ARHGAP9: variants seen among roughly 807,000 people sequenced by gnomAD.
The protein encoded by ARHGAP9 is Rho GTPase activating protein 9.
ARHGAP9 carries 76 observed loss-of-function variants against 87.3 expected under a neutral mutation model. That is an observed-to-expected ratio of 0.87 (90% CI 0.72 to 1.05). ARHGAP9 has a LOEUF of 1.05. Among genes scored for constraint, ARHGAP9 ranks in the 50% least tolerant of loss-of-function variants. The pLI is 0.00. For synonymous variants in ARHGAP9, 382 were observed against 394.9 expected (o/e 0.97, Z 0.39); for missense variants, 941 against 960.5 (o/e 0.98, Z 0.27).
exon 1 of ARHGAP9, chr12:57,488,708 C>A: frequency 6.7e-7 from 1 of 1,483,168 alleles, no homozygotes; most frequent in Non-Finnish European, 9.2e-7. Context: ...CTGTGACCTT[C>A]AGATAATTAT....
Position 57,472,478 on chromosome 12 carries a change from G to T in ARHGAP9, c.*39C>A. On this transcript the variant is annotated 3_prime_UTR_variant, in exon 18 of 18. Transcript: ENST00000393791. ...AGAACACCAGCCTCTCACCACCAGA[G>T]ATGACCGGAAATATGTTTTCTCTTC... 6.2e-7 allele frequency: 1 copy of T among 1,603,870 alleles called. No individual in the cohort carries two copies. Among genetic ancestry groups the T allele is most frequent in the Non-Finnish European group, 8.5e-7 (1 of 1,174,242 alleles).
intron 12 of ARHGAP9, 127 bp from the exon 13 acceptor site, chr12:57,475,100 A>G (rs977623835): frequency 8.7e-7 from 1 of 1,149,218 alleles, no homozygotes; most frequent in Non-Finnish European, 1.2e-6. Flanking sequence ...GGGCAAGGAA[A>G]TACACTCCAC....
rs530827072 is a variant in ARHGAP9 at position 57,475,064 on chromosome 12, T to G, written c.1553-91A>C. The G allele has an allele frequency of 7.4e-6, 10 of 1,358,956 alleles. No individual in the cohort carries two copies. The African/African-American group carries it at 1.2e-4, about 16-fold the overall frequency. The allele number at this position is 1,358,956 out of a possible 1,614,324, so 84.2% of individuals were successfully genotyped here. ...GGTCTTTATCCTTAAGTGAGGCTGG[T>G]CCTCCTGGCTGCCTGTGCCAGGCCT... On this transcript the variant is annotated intron_variant, in intron 12 of 17. Transcript: ENST00000393791.
intron 15 of ARHGAP9, 36 bp from the exon 16 acceptor site, chr12:57,474,212 G>A (rs1254741479): frequency 5.0e-6 from 8 of 1,598,482 alleles, no homozygotes; most frequent in Non-Finnish European, 6.0e-6. Flanking sequence ...CTCATGAAGG[G>A]CCAGAAAGAT....
intron 1 of ARHGAP9, among the ~76,000 whole-genome samples, chr12:57,485,556 G>GA (rs71084757): frequency 0.8 from 105,620 of 132,428 alleles, 42,622 homozygotes; most frequent in Non-Finnish European, 0.86. Context: ...GACTCCATCT[G>GA]AAAAAAAAAA....
chr12:57,488,296 C>T, intron 1 of ARHGAP9: 1 of 1,138,406 alleles, frequency 8.8e-7, no homozygotes, highest in South Asian at 1.4e-5. Flanking sequence ...TAGCCCTCGC[C>T]ACACACCCCA....
intron 15 of ARHGAP9, 60 bp downstream of exon 15, chr12:57,474,363 C>A (rs199509913): frequency 6.2e-7 from 1 of 1,604,996 alleles, no homozygotes; most frequent in Admixed American, 1.7e-5. Context: ...GGGGTTTCCA[C>A]GGGAAGCAAA....
At chr12:57,478,154 G>T in intron 3 of ARHGAP9, 1 of 316,644 alleles carries the variant, frequency 3.2e-6, no homozygotes, top group Non-Finnish European at 5.8e-6. Flanking sequence ...GCAGAACACA[G>T]AAAAACCCTG....
rs750080185 is a variant in ARHGAP9 at position 57,475,729 on chromosome 12, C to G, written c.1311+104G>C. 11 of 1,492,170 alleles carry G rather than the reference C, an allele frequency of 7.4e-6. No individual in the cohort carries two copies. The South Asian group carries it at 1.3e-4, about 18-fold the overall frequency. The allele number at this position is 1,492,170 out of a possible 1,614,324, so 92.4% of individuals were successfully genotyped here. A position where few individuals can be genotyped will look rare whatever the true frequency, so the allele number is the denominator to read the frequency against. On this transcript the variant is annotated intron_variant, in intron 10 of 17. Coordinates refer to ENST00000393791, the MANE Select transcript of ARHGAP9 (RefSeq NM_032496.4). ...TCCCGGCCCAGGCAAGGGCTCTCCA[C>G]TGAGCCCACCCTGCCCCCAACTGCT...
rs776835486 is a variant in ARHGAP9, at chr12:57,475,495, G to A, written c.1432C>T (p.Arg478Cys). The change falls in exon 11 of 18, where the codon CGC (arginine) becomes TGC (cysteine). Residue 478 changes from arginine to cysteine, a missense_variant. Coordinates refer to ENST00000393791, the MANE Select transcript of ARHGAP9 (RefSeq NM_032496.4). ...VSKPLLRLSS[R>C]RSSIRGPEGT... The stretch of plus-strand genomic sequence containing the variant: ...GCCCGCGCCTCACTGGAGCTCCGGC[G>A]GCTGCTGAGGCGCAGCAGCGGCTTG... 8 of 1,603,110 alleles carry A rather than the reference G, an allele frequency of 5.0e-6. No homozygotes were observed. Among genetic ancestry groups the A allele is most frequent in the Admixed American group, 3.4e-5 (2 of 58,868 alleles).
rs781103708 is a variant in ARHGAP9, at chr12:57,474,073, T to A, written c.1887A>T (p.Pro629=). Residue 629 remains proline, a synonymous_variant, in exon 16 of 18, where the codon CCA becomes CCT. Transcript: ENST00000393791. ...LRELPQPLVP[P]LLLPHFRAAL... ...CAGCACGGAAATGGGGCAGCAGCAGTGGTGGCACCAGAGGCTGGGGCAGCT... is the reference window on the plus strand; with the variant it reads ...CAGCACGGAAATGGGGCAGCAGCAGAGGTGGCACCAGAGGCTGGGGCAGCT... 15 of 1,614,066 alleles carry A rather than the reference T, an allele frequency of 9.3e-6. No individual in the cohort carries two copies. The highest frequency in any genetic ancestry group is 1.2e-5 in the Non-Finnish European group (14 of 1,179,982).
chr12:57,481,072 C>G (rs367877833), upstream of ARHGAP9, among the ~76,000 whole-genome samples: 8 of 152,306 alleles, frequency 5.3e-5, no homozygotes, highest in East Asian at 7.7e-4. Context: ...ATTTGGTGTT[C>G]AGTGCTTGAA....
chr12:57,474,961 C>A lies in ARHGAP9; in HGVS notation c.1565G>T (p.Gly522Val). The change falls in exon 13 of 18, where the codon GGC becomes GTC. Residue 522 changes from glycine to valine, a missense_variant. Transcript: ENST00000393791. ...CTGGCAGAGTGATTCCAACTGGCAG[C>A]CGAACACCTGGTCTGGGGAAGTAGA... ...ERGLLRDQVF[G>V]CQLESLCQRE... 1 of 1,613,890 alleles carries A rather than the reference C, an allele frequency of 6.2e-7. No homozygotes were observed. Among genetic ancestry groups the A allele is most frequent in the Non-Finnish European group, 8.5e-7 (1 of 1,180,026 alleles).
chr12:57,488,747 A>G, exon 1 of ARHGAP9: 1 of 1,276,520 alleles, frequency 7.8e-7, no homozygotes, highest in Non-Finnish European at 1.1e-6. Context: ...TTCAGTCGTT[A>G]AGTTCTTGGC....
At position 57,479,437 on chromosome 12, in the gene ARHGAP9, G is replaced by A. The variant is rs1874755181; in HGVS notation, c.-18-13C>T. ...CCAGCACTGTCACCTGTGAGAAAAA[G>A]GGACACTGGAGACCCAGAAGGGAAT... On this transcript the variant is annotated splice_polypyrimidine_tract_variant and intron_variant, in intron 1 of 17. Coordinates refer to ENST00000393791, the MANE Select transcript of ARHGAP9 (RefSeq NM_032496.4). The A allele has an allele frequency of 6.2e-7, 1 of 1,600,922 alleles. No individual in the cohort carries two copies. Among genetic ancestry groups the A allele is most frequent in the Non-Finnish European group, 8.5e-7 (1 of 1,174,248 alleles).
At chr12:57,488,488 A>T in intron 1 of ARHGAP9, 1 of 1,356,538 alleles carries the variant, frequency 7.4e-7, no homozygotes. Flanking sequence ...ACCTTCTCCT[A>T]CACCTATCAG....
Position 57,474,563 on chromosome 12 carries a change from G to C in ARHGAP9, c.1729+63C>G, listed in dbSNP as rs1872895521. ...CTATTCTGCCAGCTTCCTCATGTAG[G>C]ACCGCCCATGGTTCTCAGGCAAGAC... On this transcript the variant is annotated intron_variant, in intron 14 of 17. Coordinates refer to ENST00000393791, the MANE Select transcript of ARHGAP9 (RefSeq NM_032496.4). 40 of 1,612,562 alleles carry C rather than the reference G, an allele frequency of 2.5e-5. No homozygotes were observed. In the Middle Eastern group the frequency reaches 5.0e-4, roughly 20 times the overall value.
chr12:57,476,285 C>A, intron 8 of ARHGAP9, 79 bp downstream of exon 8: 1 of 1,554,984 alleles, frequency 6.4e-7, no homozygotes, highest in African/African-American at 1.4e-5. Flanking sequence ...CTGCACCGCC[C>A]TCCCCGCTGC....
chr12:57,482,600 G>C (rs1349749212), upstream of ARHGAP9, among the ~76,000 whole-genome samples: 1 of 152,130 alleles, frequency 6.6e-6, no homozygotes, highest in Non-Finnish European at 1.5e-5. Flanking sequence ...AGCTGCTCGG[G>C]AGGCTGAGGT....
Sources: gnomAD v4.1 joint callset for allele counts (sites outside exome capture counted in the v4.1 genomes callset) on GRCh38, gnomAD v4.1.1 for gene constraint, MANE v1.5 for transcripts, NCBI Gene and HGNC (gene_info 2026-07-23, HGNC 2026-07-21) for gene names.